The following CCNY variants were observed in gnomAD, a reference collection of about 807,000 sequenced individuals.
CCNY encodes the protein cyclin Y, also known as cyclin-Y.
A neutral mutation model predicts 42.8 loss-of-function variants in CCNY; 19 were observed. The observed-to-expected ratio is 0.44, with a 90% CI of 0.31 to 0.65. The LOEUF (loss-of-function observed/expected upper bound fraction) is 0.65. CCNY is among the 30% of genes least tolerant of loss of function. The pLI is 0.07. For synonymous variants in CCNY, 165 were observed against 162.7 expected, an observed-to-expected ratio of 1.01 and a Z score of -0.11; for missense variants, 370 against 437.3, an observed-to-expected ratio of 0.85 and a Z score of 1.37.
At chr10:35,473,787 G>A (rs1459584137) in intron 1 of CCNY, among the ~76,000 whole-genome samples, 1 of 152,066 alleles carries the variant, frequency 6.6e-6, no homozygotes, top group South Asian at 2.1e-4. Flanking sequence ...TCCTTGGGGG[G>A]AGGAGCCAAG....
rs190067225 is a variant in CCNY, at chr10:35,284,444, C to T, written c.-9+33818C>T. On this transcript the variant is annotated intron_variant, in intron 3 of 11. Transcript: ENST00000374706. ...TTGTTCATAGTATTTCCTTATAGTG[C>T]CTTTTAATGTCTGTGGGATATGGAG... 5.9e-5 allele frequency among the ~76,000 whole-genome samples: 9 copies of T among 152,216 alleles called. No homozygotes were observed. The East Asian group carries it at 1.4e-3, about 23-fold the overall frequency.
chr10:35,250,540 T>G (rs2095711324), exon 3 of CCNY: 1 of 152,298 alleles, frequency 6.6e-6, no homozygotes, highest in Admixed American at 6.6e-5. Context: ...GGTGAAAATC[T>G]TTGGAAGAGA....
chr10:35,309,284 G>A (rs1030355430), intron 3 of CCNY, among the ~76,000 whole-genome samples: 21 of 152,220 alleles, frequency 1.4e-4, no homozygotes, highest in African/African-American at 5.1e-4. Context: ...AGATAGGTCA[G>A]CAATCACTCA....
upstream of CCNY, among the ~76,000 whole-genome samples, chr10:35,331,525 C>G (rs1835943993): frequency 6.6e-6 from 1 of 152,138 alleles, no homozygotes; most frequent in South Asian, 2.1e-4. Context: ...ATTCCATCAA[C>G]AAATGATTTA....
chr10:35,539,656 A>T (rs1184147089), intron 7 of CCNY, among the ~76,000 whole-genome samples: 1 of 152,092 alleles, frequency 6.6e-6, no homozygotes, highest in Non-Finnish European at 1.5e-5. Flanking sequence ...GTGTGGTGAC[A>T]TGCATCTGTA....
chr10:35,542,299 G>A (rs1030068096), intron 7 of CCNY, among the ~76,000 whole-genome samples: 2 of 151,156 alleles, frequency 1.3e-5, no homozygotes, highest in Non-Finnish European at 2.9e-5. Context: ...TGTTTTTTTG[G>A]AGGAAAATAA....
intron 2 of CCNY, 46 bp from the exon 3 acceptor site, chr10:35,501,455 G>C: frequency 6.4e-7 from 1 of 1,571,714 alleles, no homozygotes; most frequent in South Asian, 1.1e-5. Context: ...GCCAGGGGTT[G>C]GCATGCAGGC....
intron 7 of CCNY, among the ~76,000 whole-genome samples, chr10:35,550,624 T>C (rs1841234250): frequency 6.6e-6 from 1 of 152,166 alleles, no homozygotes; most frequent in Non-Finnish European, 1.5e-5. Context: ...TTTAATGTTT[T>C]CTTGTGCAAG....
intron 2 of CCNY, among the ~76,000 whole-genome samples, chr10:35,495,899 G>GT (rs1276561854): frequency 6.6e-6 from 1 of 152,206 alleles, no homozygotes; most frequent in Non-Finnish European, 1.5e-5. Context: ...GAGTGAGTGA[G>GT]TGAGTGAGTG....
chr10:35,292,785 T>G (rs960623605), intron 3 of CCNY, among the ~76,000 whole-genome samples: 40 of 146,480 alleles, frequency 2.7e-4, no homozygotes, highest in African/African-American at 5.5e-4. Flanking sequence ...GTTTTTGTTT[T>G]TTTTTTTTTT....
intron 1 of CCNY, among the ~76,000 whole-genome samples, chr10:35,414,852 G>A (rs1421904240): frequency 6.6e-6 from 1 of 152,116 alleles, no homozygotes; most frequent in Admixed American, 6.5e-5. Flanking sequence ...GGTTGGAAGC[G>A]GGGTACATCA....
At chr10:35,514,223 A>G (rs556898725) in intron 3 of CCNY, among the ~76,000 whole-genome samples, 2 of 152,224 alleles carry the variant, frequency 1.3e-5, no homozygotes, top group Middle Eastern at 3.2e-3. Context: ...CTGACAGTCA[A>G]TAAATGACTT....
At chr10:35,323,047 C>T (rs1308642712) in intron 3 of CCNY, among the ~76,000 whole-genome samples, 1 of 152,116 alleles carries the variant, frequency 6.6e-6, no homozygotes, top group Non-Finnish European at 1.5e-5. Context: ...CTGCCTTAGC[C>T]TCCCAAGTAG....
Position 35,516,537 on chromosome 10 carries a change from A to G in CCNY, c.279A>G (p.Gln93=). Residue 93 remains glutamine (Q), a synonymous_variant, in exon 4 of 10, where the codon CAA becomes CAG. Transcript: ENST00000374704. The stretch of plus-strand genomic sequence containing the variant: ...TTGTTTTCTAGCATCCTCCAGGACA[A>G]ATAGCAAGGAAATACAGTTCCTGCT... The part of the protein sequence containing the change: ...SLFINHHPPG[Q]IARKYSSCST... The G allele has an allele frequency of 6.2e-7, 1 of 1,613,330 alleles. No homozygotes were observed. The highest frequency in any genetic ancestry group is 1.1e-5 in the South Asian group (1 of 91,048).
chr10:35,378,312 CATG>C (rs1392181123), intron 1 of CCNY, among the ~76,000 whole-genome samples: 2 of 152,302 alleles, frequency 1.3e-5, no homozygotes, highest in Admixed American at 6.5e-5. Context: ...CTTTCAAGCT[CATG>C]GTGGTAGATA....
At chr10:35,308,038 T>A (rs1201402559) in intron 3 of CCNY, among the ~76,000 whole-genome samples, 3 of 151,582 alleles carry the variant, frequency 2.0e-5, no homozygotes, top group African/African-American at 7.3e-5. Flanking sequence ...GCTGGTCTGG[T>A]ACTCCTGACC....
intron 1 of CCNY, among the ~76,000 whole-genome samples, chr10:35,440,003 A>G (rs1333229528): frequency 6.6e-6 from 1 of 151,810 alleles, no homozygotes; most frequent in Non-Finnish European, 1.5e-5. Flanking sequence ...CTGGCCCCCT[A>G]CTTGGCCTTC....
intron 3 of CCNY, among the ~76,000 whole-genome samples, chr10:35,303,117 G>T (rs889689777): frequency 6.6e-6 from 1 of 152,038 alleles, no homozygotes; most frequent in Non-Finnish European, 1.5e-5. Flanking sequence ...TGAGCCCAGG[G>T]ATTCCAGGCT....
chr10:35,367,990 T>C (rs1243568872), intron 1 of CCNY, among the ~76,000 whole-genome samples: 1 of 152,230 alleles, frequency 6.6e-6, no homozygotes, highest in Non-Finnish European at 1.5e-5. Context: ...TGGAAGTCTG[T>C]TAGAAACGAG....
Sources: allele counts gnomAD v4.1 joint callset (sites outside exome capture counted in the v4.1 genomes callset), GRCh38; gene constraint gnomAD v4.1.1; transcripts MANE v1.5; gene names NCBI Gene and HGNC (gene_info 2026-07-23, HGNC 2026-07-21).